The following RPH3A variants were observed in gnomAD, a reference collection of about 807,000 sequenced individuals.
RPH3A encodes rabphilin-3A.
A neutral mutation model predicts 102.2 loss-of-function variants in RPH3A; 48 were observed. The observed-to-expected ratio is 0.47, with a 90% CI of 0.37 to 0.60. The LOEUF (loss-of-function observed/expected upper bound fraction) is 0.60, where lower values mean the gene tolerates loss of function less well. Ranked by LOEUF, RPH3A falls within the 20% of genes least tolerant of loss-of-function variation. The pLI is 0.00. For missense variants in RPH3A, 781 were observed against 910.1 expected, an observed-to-expected ratio of 0.86 and a Z score of 1.83; for synonymous variants, 310 against 324.3, an observed-to-expected ratio of 0.96 and a Z score of 0.47.
intron 2 of RPH3A, among the ~76,000 whole-genome samples, chr12:112,825,478 A>G (rs748180688): frequency 1.3e-5 from 2 of 152,064 alleles, no homozygotes; most frequent in African/African-American, 2.4e-5. Flanking sequence ...AGACACGCCA[A>G]TCTACTTTCT....
intron 1 of RPH3A, among the ~76,000 whole-genome samples, chr12:112,692,650 A>T (rs2136023256): frequency 6.6e-6 from 1 of 152,238 alleles, no homozygotes; most frequent in East Asian, 1.9e-4. Context: ...TACCACACTA[A>T]TGTCCACTGA....
rs115440469 is a variant in RPH3A, at chr12:112,814,521, C to T, written c.-18-13780C>T. ...GGTTAGAAAGCTGTTTCTTATCTCA[C>T]GCCAGATTCTCTCTTACTGGACCTT... On this transcript the variant is annotated intron_variant, in intron 2 of 21. Transcript: ENST00000389385. Among the ~76,000 whole-genome samples, 186 of 152,260 alleles carry T rather than the reference C, an allele frequency of 1.2e-3. 1 individual carries two copies. Among genetic ancestry groups the T allele is most frequent in the African/African-American group, 4.1e-3 (169 of 41,552 alleles).
chr12:112,728,660 C>T (rs941600647), intron 1 of RPH3A, among the ~76,000 whole-genome samples: 4 of 151,972 alleles, frequency 2.6e-5, no homozygotes, highest in African/African-American at 7.3e-5. Context: ...AAAGCCAGTC[C>T]CCCAAAAGAT....
At chr12:112,748,441 C>T (rs1412296635) in intron 1 of RPH3A, among the ~76,000 whole-genome samples, 2 of 152,164 alleles carry the variant, frequency 1.3e-5, no homozygotes, top group African/African-American at 4.8e-5. Flanking sequence ...TCAAGGGATC[C>T]TCCTGCTTCA....
At chr12:112,586,803 C>G (rs1400925035) in intron 1 of RPH3A, among the ~76,000 whole-genome samples, 1 of 152,202 alleles carries the variant, frequency 6.6e-6, no homozygotes, top group African/African-American at 2.4e-5. Flanking sequence ...TTCACAACTT[C>G]TAAGTGGGAA....
rs1013175298 is a variant in RPH3A, at chr12:112,718,919, G to C, written c.-139-73224G>C. Among the ~76,000 whole-genome samples, 4 of 152,310 alleles carry C rather than the reference G, an allele frequency of 2.6e-5. No homozygotes were observed. The East Asian group carries it at 5.8e-4, about 22-fold the overall frequency. Reference sequence around the variant, plus strand: ...GTCCTTGAAATAAGAATCTTCTAAAGATCTTTGGTTTCTTTCTTCTCACAG... The same window carrying C: ...GTCCTTGAAATAAGAATCTTCTAAACATCTTTGGTTTCTTTCTTCTCACAG... On this transcript the variant is annotated intron_variant, in intron 1 of 21. Transcript: ENST00000543106.
At chr12:112,778,238 GA>G (rs2040982161) in intron 1 of RPH3A, among the ~76,000 whole-genome samples, 1 of 152,180 alleles carries the variant, frequency 6.6e-6, no homozygotes, top group Non-Finnish European at 1.5e-5. Context: ...AAATGAGAGA[GA>G]GATTATATTT....
chr12:112,768,940 C>T (rs12312221), intron 1 of RPH3A, among the ~76,000 whole-genome samples: 48 of 152,014 alleles, frequency 3.2e-4, no homozygotes, highest in Non-Finnish European at 6.0e-4. Context: ...ATATGAAAAA[C>T]AAAAAAACCT....
chr12:112,620,453 C>G (rs746390020), intron 1 of RPH3A, among the ~76,000 whole-genome samples: 1 of 152,184 alleles, frequency 6.6e-6, no homozygotes, highest in African/African-American at 2.4e-5. Flanking sequence ...CCTTCCATCT[C>G]TAAACAGCAT....
chr12:112,856,911 A>C (rs112281660), intron 5 of RPH3A, among the ~76,000 whole-genome samples: 5,210 of 152,166 alleles, frequency 0.034, 293 homozygotes, highest in African/African-American at 0.11. Flanking sequence ...GGTTAAGGAG[A>C]TTTCCTGGGG....
At chr12:112,854,631 A>G (rs2042378345) in intron 5 of RPH3A, among the ~76,000 whole-genome samples, 1 of 152,098 alleles carries the variant, frequency 6.6e-6, no homozygotes, top group Non-Finnish European at 1.5e-5. Context: ...AGAAACAAAT[A>G]TTTATCTCCA....
chr12:112,721,636 T>C (rs1006938409), intron 1 of RPH3A, among the ~76,000 whole-genome samples: 1 of 142,398 alleles, frequency 7.0e-6, no homozygotes, highest in Middle Eastern at 3.3e-3. Context: ...GATTAGAAAA[T>C]GGATTTTTTT....
chr12:112,782,745 A>C (rs1236742410), intron 1 of RPH3A, among the ~76,000 whole-genome samples: 1 of 152,160 alleles, frequency 6.6e-6, no homozygotes, highest in Admixed American at 6.5e-5. Flanking sequence ...TACCAAGACT[A>C]TTCTGGTGTG....
At chr12:112,716,143 G>A (rs149620896) in intron 1 of RPH3A, among the ~76,000 whole-genome samples, 11 of 152,230 alleles carry the variant, frequency 7.2e-5, no homozygotes, top group Non-Finnish European at 1.5e-4. Context: ...GGTTTTGGCC[G>A]CCTCCCTTAC....
At chr12:112,801,262 G>T (rs2041346796) in intron 2 of RPH3A, among the ~76,000 whole-genome samples, 1 of 152,206 alleles carries the variant, frequency 6.6e-6, no homozygotes, top group African/African-American at 2.4e-5. Context: ...TGCACCTAAG[G>T]ATGAAAGCAG....
intron 2 of RPH3A, among the ~76,000 whole-genome samples, chr12:112,823,920 C>T (rs1338026731): frequency 6.6e-6 from 1 of 152,206 alleles, no homozygotes; most frequent in African/African-American, 2.4e-5. Context: ...TTTAGGATCA[C>T]GCTGTGTTGG....
At chr12:112,769,655 T>C (rs1275047343) in intron 1 of RPH3A, among the ~76,000 whole-genome samples, 1 of 152,204 alleles carries the variant, frequency 6.6e-6, no homozygotes, top group Non-Finnish European at 1.5e-5. Context: ...AGGAACTAAT[T>C]GGTAGTGGAA....
At chr12:112,881,725 A>C in intron 14 of RPH3A, 47 bp from the exon 15 acceptor site, 1 of 1,420,520 alleles carries the variant, frequency 7.0e-7, no homozygotes, top group Non-Finnish European at 9.8e-7. Flanking sequence ...ACAGCTGAGC[A>C]CTGGGCCCTC....
chr12:112,702,371 A>C (rs1311023319), intron 1 of RPH3A, among the ~76,000 whole-genome samples: 4 of 152,222 alleles, frequency 2.6e-5, no homozygotes, highest in Non-Finnish European at 5.9e-5. Context: ...GCCCAGTATT[A>C]GGAGCTGGGA....
Sources: gnomAD v4.1 joint callset for allele counts (sites outside exome capture counted in the v4.1 genomes callset) on GRCh38, gnomAD v4.1.1 for gene constraint, MANE v1.5 for transcripts, NCBI Gene and HGNC (gene_info 2026-07-23, HGNC 2026-07-21) for gene names.